Variants in PPP2R1B observed in about 807,000 individuals in gnomAD.
PPP2R1B encodes the protein serine/threonine-protein phosphatase 2A 65 kDa regulatory subunit A beta isoform.
PPP2R1B carries 58 observed loss-of-function variants against 72.7 expected under a neutral mutation model. The ratio of observed to expected loss-of-function variants is 0.80; its 90% CI spans 0.65 to 0.99. The LOEUF is 0.99. Among genes scored for constraint, PPP2R1B ranks in the 50% least tolerant of loss-of-function variants. PPP2R1B has a pLI of 0.00. For synonymous variants in PPP2R1B, 256 were observed against 264.6 expected, an observed-to-expected ratio of 0.97 and a Z score of 0.32; for missense variants, 695 against 733.6, an observed-to-expected ratio of 0.95 and a Z score of 0.61.
At chr11:111,757,150 T>C (rs1414363105) in intron 5 of PPP2R1B, among the ~76,000 whole-genome samples, 1 of 149,144 alleles carries the variant, frequency 6.7e-6, no homozygotes, top group Non-Finnish European at 1.5e-5. Flanking sequence ...GAAACATCAA[T>C]GAGAAATTAG....
the PPP2R1B span, among the ~76,000 whole-genome samples, chr11:111,710,315 T>A: frequency 1.2e-4 from 19 of 152,234 alleles, no homozygotes; most frequent in Non-Finnish European, 1.6e-4. Flanking sequence ...TATCACACTC[T>A]GAATGGTATG....
At chr11:111,703,204 T>C in the PPP2R1B span, 6 of 1,613,916 alleles carry the variant, frequency 3.7e-6, no homozygotes, top group Non-Finnish European at 5.1e-6. Context: ...TTTCTATAGA[T>C]TGCGAGCACC....
At chr11:111,704,946 CTTTACA>C in the PPP2R1B span, 1 of 1,553,910 alleles carries the variant, frequency 6.4e-7, no homozygotes, top group Non-Finnish European at 8.6e-7. Flanking sequence ...TTGCATTGGT[CTTTACA>C]GTTCTTTGCC....
At chr11:111,720,872 CTGTT>C in the PPP2R1B span, 5 of 1,608,448 alleles carry the variant, frequency 3.1e-6, no homozygotes, top group African/African-American at 2.7e-5. Flanking sequence ...TTTAGTTAAA[CTGTT>C]TGGTCTTGGT....
chr11:111,724,817 C>T (rs891918822), downstream of PPP2R1B: 1 of 152,278 alleles, frequency 6.6e-6, no homozygotes, highest in Non-Finnish European at 1.5e-5. Flanking sequence ...CCTGGGTTGC[C>T]GAGTGTCAGA....
At chr11:111,754,872 T>G in intron 7 of PPP2R1B, 108 bp downstream of exon 7, 2 of 1,009,134 alleles carry the variant, frequency 2.0e-6, no homozygotes, top group Non-Finnish European at 2.9e-6. Context: ...AAAACATCCC[T>G]ATGTATTTTA....
intron 9 of PPP2R1B, among the ~76,000 whole-genome samples, chr11:111,752,863 T>C (rs2136079831): frequency 6.6e-6 from 1 of 152,250 alleles, no homozygotes; most frequent in Admixed American, 6.5e-5. Context: ...CTCAGGAGGC[T>C]GAGGCAAGAG....
the PPP2R1B span, among the ~76,000 whole-genome samples, chr11:111,717,824 C>T: frequency 6.6e-6 from 1 of 152,134 alleles, no homozygotes. Flanking sequence ...CCATTATCCT[C>T]AGCTGAACAG....
chr11:111,750,839 TTTTG>T (rs1218333368), intron 10 of PPP2R1B, among the ~76,000 whole-genome samples: 1 of 127,100 alleles, frequency 7.9e-6, no homozygotes, highest in Non-Finnish European at 1.7e-5. Context: ...TTTGTTTTTG[TTTTG>T]TTTTTTTTTT....
At chr11:111,723,164 G>A (rs962349140), downstream of PPP2R1B, among the ~76,000 whole-genome samples, 3 of 152,134 alleles carry the variant, frequency 2.0e-5, no homozygotes, top group Non-Finnish European at 4.4e-5. Flanking sequence ...TCCATCAACT[G>A]CAGACACCTG....
chr11:111,760,351 T>C (rs1378146139), intron 4 of PPP2R1B, among the ~76,000 whole-genome samples: 2 of 152,084 alleles, frequency 1.3e-5, no homozygotes, highest in African/African-American at 4.8e-5. Context: ...CCCAGCTAAT[T>C]TTTTTCTTTT....
chr11:111,749,731 T>C (rs1944833647), intron 10 of PPP2R1B, among the ~76,000 whole-genome samples: 1 of 152,170 alleles, frequency 6.6e-6, no homozygotes, highest in East Asian at 1.9e-4. Context: ...AGAATATATA[T>C]ACTAACAAGA....
chr11:111,722,018 G>A, downstream of PPP2R1B: 3 of 1,159,758 alleles, frequency 2.6e-6, no homozygotes, highest in Middle Eastern at 2.1e-4. This position sits in a 1 kb window ranked among gnomAD's most constrained non-coding sequence, Gnocchi z 4.4. Flanking sequence ...AACGTGTTTT[G>A]CCTGGCATTT....
chr11:111,759,201 C>G (rs1945234927), intron 5 of PPP2R1B, among the ~76,000 whole-genome samples: 2 of 152,120 alleles, frequency 1.3e-5, no homozygotes, highest in Admixed American at 6.6e-5. Flanking sequence ...CCTTTGTTTT[C>G]TAATGTGTAA....
intron 11 of PPP2R1B, among the ~76,000 whole-genome samples, chr11:111,747,299 C>T (rs1944737086): frequency 6.6e-6 from 1 of 152,202 alleles, no homozygotes; most frequent in African/African-American, 2.4e-5. Context: ...AGGGGATACA[C>T]ACATATACCT....
chr11:111,701,410 ACG>A, the PPP2R1B span: 5 of 1,595,436 alleles, frequency 3.1e-6, no homozygotes, highest in Non-Finnish European at 4.3e-6. The surrounding 1 kb of genome is among the most constrained non-coding windows in gnomAD (Gnocchi z 4.2). Flanking sequence ...AGAGTGTTTG[ACG>A]TTCTTGGTAG....
At chr11:111,765,616 A>T (rs1945498373) in intron 1 of PPP2R1B, among the ~76,000 whole-genome samples, 1 of 152,246 alleles carries the variant, frequency 6.6e-6, no homozygotes, top group African/African-American at 2.4e-5. Flanking sequence ...GGACCGGAAG[A>T]GAAATGAAGG....
chr11:111,741,189 T>C lies in PPP2R1B; in HGVS notation c.*407A>G, dbSNP rs902942474. ...ACATGTACATTTAGCTTTGGAATGA[T>C]GGAGAGACACAGAGATATATGTAAA... On this transcript the variant is annotated 3_prime_UTR_variant, in exon 15 of 15. Transcript: ENST00000527614. The C allele has an allele frequency of 1.3e-5, 13 of 1,001,696 alleles. No homozygotes were observed. In the East Asian group the frequency reaches 1.3e-3, roughly 97 times the overall value. The allele number at this position is 1,001,696 out of a possible 1,614,324, so 62.1% of individuals were successfully genotyped here.
At chr11:111,695,068 C>T in the PPP2R1B span, among the ~76,000 whole-genome samples, 1 of 152,172 alleles carries the variant, frequency 6.6e-6, no homozygotes, top group African/African-American at 2.4e-5. Flanking sequence ...GGCCGATCCA[C>T]ATTCAGTTTG....
Sources: allele counts gnomAD v4.1 joint callset (sites outside exome capture counted in the v4.1 genomes callset), GRCh38; gene constraint gnomAD v4.1.1; non-coding constraint Gnocchi (gnomAD v3.1); transcripts MANE v1.5; gene names NCBI Gene and HGNC (gene_info 2026-07-23, HGNC 2026-07-21).